ZFAND6: variants seen among roughly 807,000 people sequenced by gnomAD.
The protein encoded by ZFAND6 is AN1-type zinc finger protein 6.
ZFAND6 carries 12 observed loss-of-function variants against 24.5 expected under a neutral mutation model. The ratio of observed to expected loss-of-function variants is 0.49; its 90% CI spans 0.31 to 0.79. ZFAND6 has a LOEUF of 0.79. Ranked by LOEUF, ZFAND6 falls within the 30% of genes least tolerant of loss-of-function variation. The pLI, the probability that ZFAND6 is intolerant of heterozygous loss-of-function variation, is 0.04. For synonymous variants in ZFAND6, 92 were observed against 81.5 expected (o/e 1.13, Z -0.69); for missense variants, 207 against 245.9 (o/e 0.84, Z 1.06).
intron 1 of ZFAND6, among the ~76,000 whole-genome samples, chr15:80,085,745 G>A (rs1001388784): frequency 6.6e-6 from 1 of 152,060 alleles, no homozygotes; most frequent in Non-Finnish European, 1.5e-5. Flanking sequence ...TGTTTTGTGT[G>A]TGTGTGTTTA....
intron 6 of ZFAND6, among the ~76,000 whole-genome samples, chr15:80,134,091 G>A (rs545472566): frequency 1.5e-4 from 23 of 151,776 alleles, no homozygotes; most frequent in African/African-American, 4.6e-4. Context: ...GGGTTCTAGC[G>A]ATTCTCCTGC....
chr15:80,071,128 A>G (rs560331503), intron 1 of ZFAND6, among the ~76,000 whole-genome samples: 5 of 152,178 alleles, frequency 3.3e-5, no homozygotes, highest in African/African-American at 9.7e-5. Flanking sequence ...ATTCATGCCT[A>G]GTTGCAATTA....
chr15:80,134,547 A>G (rs1397527742), intron 6 of ZFAND6, among the ~76,000 whole-genome samples: 1 of 152,244 alleles, frequency 6.6e-6, no homozygotes, highest in Non-Finnish European at 1.5e-5. Context: ...AAAAGATGTG[A>G]AAGCTCTCAA....
intron 1 of ZFAND6, among the ~76,000 whole-genome samples, chr15:80,067,199 C>G (rs1812992343): frequency 6.6e-6 from 1 of 152,106 alleles, no homozygotes; most frequent in East Asian, 1.9e-4. Context: ...TTTTTATTTC[C>G]AAATGGTAGG....
chr15:80,111,609 A>G (rs955287223), intron 2 of ZFAND6: 3 of 404,778 alleles, frequency 7.4e-6, no homozygotes, highest in East Asian at 7.2e-5. Flanking sequence ...GGATAAGTAT[A>G]TAGTGATATA....
At chr15:80,103,289 C>T (rs1011825462) in intron 2 of ZFAND6, among the ~76,000 whole-genome samples, 1 of 152,100 alleles carries the variant, frequency 6.6e-6, no homozygotes, top group African/African-American at 2.4e-5. Flanking sequence ...AGCCCAGGGC[C>T]TAGTACATAA....
At chr15:80,131,316 T>G in intron 6 of ZFAND6, 23 bp downstream of exon 6, 4 of 1,586,522 alleles carry the variant, frequency 2.5e-6, no homozygotes, top group Non-Finnish European at 3.5e-6. Context: ...ATCAAATGTT[T>G]AAAATTAAAA....
intron 2 of ZFAND6, among the ~76,000 whole-genome samples, chr15:80,104,671 C>G (rs528646309): frequency 9.2e-5 from 14 of 152,264 alleles, no homozygotes; most frequent in African/African-American, 3.4e-4. Context: ...GGTAATATTT[C>G]ATTGTACTTT....
At chr15:80,134,588 A>T (rs895966418) in intron 6 of ZFAND6, among the ~76,000 whole-genome samples, 1 of 152,122 alleles carries the variant, frequency 6.6e-6, no homozygotes, top group Non-Finnish European at 1.5e-5. Context: ...GCAGGAGAAA[A>T]CTCCAGATGT....
At chr15:80,090,850 T>C (rs1210001291) in intron 1 of ZFAND6, among the ~76,000 whole-genome samples, 1 of 152,232 alleles carries the variant, frequency 6.6e-6, no homozygotes, top group East Asian at 1.9e-4. Flanking sequence ...TCAAATATTT[T>C]TTATTGGTCT....
At chr15:80,094,882 C>G (rs1281428269) in intron 1 of ZFAND6, among the ~76,000 whole-genome samples, 1 of 152,076 alleles carries the variant, frequency 6.6e-6, no homozygotes, top group Non-Finnish European at 1.5e-5. Context: ...TCAAATGATT[C>G]TCCTGCCTCA....
chr15:80,104,536 AATCCATCCATCCATCC>A (rs200615757), intron 2 of ZFAND6, among the ~76,000 whole-genome samples: 4 of 146,642 alleles, frequency 2.7e-5, no homozygotes, highest in African/African-American at 9.9e-5. Context: ...TCAGTCAGTC[AATCCATCCATCCATCC>A]ATCCATCCAT....
intron 2 of ZFAND6, chr15:80,111,685 C>CT (rs2141984202): frequency 3.3e-6 from 1 of 306,728 alleles, no homozygotes; most frequent in Admixed American, 3.9e-5. Context: ...AGGGGCTCAT[C>CT]TTACCACTTT....
intron 2 of ZFAND6, among the ~76,000 whole-genome samples, chr15:80,107,353 A>G (rs1207847685): frequency 6.6e-6 from 1 of 152,178 alleles, no homozygotes; most frequent in Non-Finnish European, 1.5e-5. Context: ...ACATAATGAC[A>G]TCACCATATT....
At position 80,122,741 on chromosome 15, in the gene ZFAND6, C is replaced by T. The variant is rs1450131121; in HGVS notation, c.305C>T (p.Ser102Phe). Residue 102 changes from serine (S) to phenylalanine (F), a missense_variant, in exon 5 of 7, where the codon TCT (serine) becomes TTT (phenylalanine). Coordinates refer to ENST00000261749, the MANE Select transcript of ZFAND6 (RefSeq NM_019006.4). ...NQSLLSESVA[S>F]SQLDSTSVDK... ...TCACTTTTATCAGAATCTGTAGCAT[C>T]TTCTCAATTGGACAGTACATCTGTG... 6.2e-7 allele frequency: 1 copy of T among 1,613,646 alleles called. No homozygotes were observed. Among genetic ancestry groups the T allele is most frequent in the Non-Finnish European group, 8.5e-7 (1 of 1,179,800 alleles).
chr15:80,105,687 A>G (rs2039285333), intron 2 of ZFAND6, among the ~76,000 whole-genome samples: 1 of 152,146 alleles, frequency 6.6e-6, no homozygotes, highest in East Asian at 1.9e-4. Context: ...TTCACAACCA[A>G]CTTGAAGATG....
chr15:80,091,028 G>A (rs1038055323), intron 1 of ZFAND6, among the ~76,000 whole-genome samples: 1 of 152,132 alleles, frequency 6.6e-6, no homozygotes, highest in African/African-American at 2.4e-5. Flanking sequence ...ACACATCCTA[G>A]GTTTTGATTT....
intron 1 of ZFAND6, among the ~76,000 whole-genome samples, chr15:80,089,259 GTTT>G (rs71453501): frequency 1.6e-5 from 1 of 61,094 alleles, no homozygotes; most frequent in African/African-American, 6.8e-5. Context: ...GAGTGTGTGT[GTTT>G]TTTTTTTTTT....
intron 1 of ZFAND6, among the ~76,000 whole-genome samples, chr15:80,075,589 CAA>C (rs1345077284): frequency 6.6e-6 from 1 of 152,040 alleles, no homozygotes; most frequent in Non-Finnish European, 1.5e-5. Context: ...ATAATGTATT[CAA>C]AGTCTCTGTT....
Sources: allele counts gnomAD v4.1 joint callset (sites outside exome capture counted in the v4.1 genomes callset), GRCh38; gene constraint gnomAD v4.1.1; transcripts MANE v1.5; gene names NCBI Gene and HGNC (gene_info 2026-07-23, HGNC 2026-07-21).